The following MAGI2 variants were observed in gnomAD, a reference collection of about 807,000 sequenced individuals.
The protein encoded by MAGI2 is membrane-associated guanylate kinase, WW and PDZ domain-containing protein 2.
MAGI2 carries 35 observed loss-of-function variants against 133.3 expected under a neutral mutation model. That is an observed-to-expected ratio of 0.26 (90% CI 0.20 to 0.35). The LOEUF is 0.35. Among genes scored for constraint, MAGI2 ranks in the 10% least tolerant of loss-of-function variants. The probability of loss-of-function intolerance (pLI) is 1.00; values close to 1 mark genes in which losing one functional copy is unlikely to be tolerated. For synonymous variants in MAGI2, 729 were observed against 710.6 expected, an observed-to-expected ratio of 1.03 and a Z score of -0.41; for missense variants, 1,636 against 1,863.4, an observed-to-expected ratio of 0.88 and a Z score of 2.25.
intron 6 of MAGI2, among the ~76,000 whole-genome samples, chr7:78,454,819 G>C (rs925392428): frequency 6.6e-5 from 10 of 152,160 alleles, no homozygotes; most frequent in South Asian, 4.1e-4. Context: ...AGTCTGAAAG[G>C]CTACATACTA....
intron 1 of MAGI2, among the ~76,000 whole-genome samples, chr7:79,313,767 C>A (rs1237514975): frequency 1.3e-5 from 2 of 151,340 alleles, no homozygotes; most frequent in East Asian, 3.9e-4. Context: ...ATTGTGCTAG[C>A]CAATTTAGAT....
rs559721732 is a variant in MAGI2, at chr7:78,205,721, G to A, written c.2048-4528C>T. ...CCTATATAGAGAACAATTTATATAT[G>A]TCCCTGGTAACCATTTTAAAATAAA... On this transcript the variant is annotated intron_variant, in intron 10 of 21. Coordinates refer to ENST00000354212, the MANE Select transcript of MAGI2 (RefSeq NM_012301.4). Among the ~76,000 whole-genome samples, 9 of 152,030 alleles carry A rather than the reference G, an allele frequency of 5.9e-5. No individual in the cohort carries two copies. In the South Asian group the frequency reaches 1.9e-3, roughly 32 times the overall value.
chr7:79,409,064 G>A (rs1271977661), intron 1 of MAGI2, among the ~76,000 whole-genome samples: 5 of 152,172 alleles, frequency 3.3e-5, no homozygotes, highest in Admixed American at 2.0e-4. Flanking sequence ...AGGCTGACAA[G>A]TATTCAGACA....
chr7:78,333,283 T>C (rs971901340), intron 9 of MAGI2, among the ~76,000 whole-genome samples: 1 of 152,156 alleles, frequency 6.6e-6, no homozygotes, highest in Non-Finnish European at 1.5e-5. Flanking sequence ...ACCAGAAAGA[T>C]TGTGAGAAGG....
intron 9 of MAGI2, among the ~76,000 whole-genome samples, chr7:78,294,615 CTCT>C (rs1429361973): frequency 1.3e-5 from 2 of 152,138 alleles, no homozygotes; most frequent in Non-Finnish European, 2.9e-5. Context: ...AATAGAGTCT[CTCT>C]TCTTTTAACT....
At chr7:79,369,850 C>T (rs1585734950) in intron 1 of MAGI2, among the ~76,000 whole-genome samples, 1 of 151,782 alleles carries the variant, frequency 6.6e-6, no homozygotes, top group Non-Finnish European at 1.5e-5. Context: ...GATGAAAAAA[C>T]ATCATAGATA....
At chr7:79,000,374 C>CA (rs758038033) in intron 2 of MAGI2, 1 of 152,298 alleles carries the variant, frequency 6.6e-6, no homozygotes, top group Admixed American at 6.5e-5. Flanking sequence ...TTCATATCCA[C>CA]AAAAACACAT....
chr7:78,688,410 T>C (rs990275212), intron 2 of MAGI2, among the ~76,000 whole-genome samples: 2 of 152,240 alleles, frequency 1.3e-5, no homozygotes, highest in African/African-American at 4.8e-5. Context: ...TGTTTCAATA[T>C]GTTTAGTTCT....
chr7:78,478,329 C>T (rs536739959), intron 6 of MAGI2, among the ~76,000 whole-genome samples: 3 of 151,870 alleles, frequency 2.0e-5, no homozygotes, highest in Admixed American at 6.6e-5. Flanking sequence ...GTTTTTAGGC[C>T]TTAATGTCTC....
At chr7:78,226,724 T>C (rs1297357847) in intron 10 of MAGI2, among the ~76,000 whole-genome samples, 2 of 152,216 alleles carry the variant, frequency 1.3e-5, no homozygotes, top group Non-Finnish European at 2.9e-5. Context: ...TAAAATGCAC[T>C]GTGCGTGTGT....
chr7:79,269,765 A>C (rs1834743484), intron 1 of MAGI2, among the ~76,000 whole-genome samples: 2 of 152,202 alleles, frequency 1.3e-5, no homozygotes, highest in African/African-American at 4.8e-5. Context: ...GCAGAAATTT[A>C]GTTTATAGTT....
chr7:78,341,736 T>C (rs374818803), intron 9 of MAGI2, among the ~76,000 whole-genome samples: 2 of 151,958 alleles, frequency 1.3e-5, no homozygotes, highest in Non-Finnish European at 2.9e-5. Flanking sequence ...ATAAATGGTG[T>C]TGGGAAAACT....
chr7:78,114,401 C>T (rs572574245), intron 20 of MAGI2, among the ~76,000 whole-genome samples: 11 of 152,328 alleles, frequency 7.2e-5, no homozygotes, highest in South Asian at 2.1e-4. Flanking sequence ...TCTGTGCCCA[C>T]GTGACAGTCT....
chr7:79,151,298 A>G (rs982651144), intron 1 of MAGI2, among the ~76,000 whole-genome samples: 3 of 152,162 alleles, frequency 2.0e-5, no homozygotes, highest in Non-Finnish European at 2.9e-5. Flanking sequence ...GTGCTTTACA[A>G]AAAAATTAGT....
At chr7:78,743,991 A>G (rs10244492) in intron 2 of MAGI2, among the ~76,000 whole-genome samples, 2,356 of 152,236 alleles carry the variant, frequency 0.015, 61 homozygotes, top group African/African-American at 0.052. Flanking sequence ...ATTTTTGTCA[A>G]TCTAAAGAGC....
chr7:78,466,029 C>T (rs1224626783), intron 6 of MAGI2, among the ~76,000 whole-genome samples: 2 of 152,142 alleles, frequency 1.3e-5, no homozygotes, highest in Non-Finnish European at 2.9e-5. Flanking sequence ...TTTCATGGAC[C>T]ACTCCAATCC....
chr7:78,155,257 A>G (rs1173617712), intron 16 of MAGI2, among the ~76,000 whole-genome samples: 1 of 152,194 alleles, frequency 6.6e-6, no homozygotes, highest in Non-Finnish European at 1.5e-5. Flanking sequence ...AAACAAATAC[A>G]TAATATTTTG....
At chr7:79,034,412 C>A (rs374423974) in intron 1 of MAGI2, among the ~76,000 whole-genome samples, 31 of 152,286 alleles carry the variant, frequency 2.0e-4, no homozygotes, top group African/African-American at 6.7e-4. Flanking sequence ...ACCAAAATAA[C>A]TTTCCAGTTG....
intron 20 of MAGI2, among the ~76,000 whole-genome samples, chr7:78,095,181 G>T (rs750846409): frequency 1.9e-4 from 29 of 152,210 alleles, no homozygotes; most frequent in Non-Finnish European, 3.5e-4. Flanking sequence ...TGACCTCAGA[G>T]AATTCAAATT....
Sources: allele counts gnomAD v4.1 joint callset (sites outside exome capture counted in the v4.1 genomes callset), GRCh38; gene constraint gnomAD v4.1.1; transcripts MANE v1.5; gene names NCBI Gene and HGNC (gene_info 2026-07-23, HGNC 2026-07-21).